The following ASPM variants were observed in gnomAD, a reference collection of about 807,000 sequenced individuals.
ASPM encodes abnormal spindle-like microcephaly-associated protein.
In ASPM, 256 loss-of-function variants were observed where a neutral mutation model predicts 366.4. That is an observed-to-expected ratio of 0.70 (90% CI 0.63 to 0.77). The LOEUF (loss-of-function observed/expected upper bound fraction) is 0.77. Among genes scored for constraint, ASPM ranks in the 30% least tolerant of loss-of-function variants. The pLI is 0.00. For missense variants in ASPM, 4,146 were observed against 4,090.4 expected, an observed-to-expected ratio of 1.01 and a Z score of -0.37; for synonymous variants, 1,414 against 1,342.9, an observed-to-expected ratio of 1.05 and a Z score of -1.16.
At chr1:197,135,975 T>A (rs1490747920) in intron 4 of ASPM, among the ~76,000 whole-genome samples, 1 of 152,036 alleles carries the variant, frequency 6.6e-6, no homozygotes, top group African/African-American at 2.4e-5. Context: ...AAAAAGACAA[T>A]GTGAGAATCT....
At chr1:197,143,843 T>C in intron 2 of ASPM, 33 bp from the exon 3 acceptor site, 2 of 1,593,552 alleles carry the variant, frequency 1.3e-6, no homozygotes, top group Non-Finnish European at 1.7e-6. Flanking sequence ...CCAATTAAGT[T>C]TGTAGCTATT....
Position 197,098,243 on chromosome 1 carries a change from T to C in ASPM, c.8821-2079A>G, listed in dbSNP as rs547143741. 8.6e-5 allele frequency among the ~76,000 whole-genome samples: 13 copies of C among 151,176 alleles called. No individual in the cohort carries two copies. The South Asian group carries it at 2.7e-3, about 31-fold the overall frequency. ...ACATATATATGTAAGTATTTAGTAA[T>C]GTATACTATATCCCAGTGGCTCCCA... is the stretch of plus-strand genomic sequence containing the variant. On this transcript the variant is annotated intron_variant, in intron 18 of 27. Transcript: ENST00000367409.
rs200733896 is a variant in ASPM, at chr1:197,117,916, C to T, written c.3938G>A (p.Arg1313Lys). The change falls in exon 17 of 28, where the codon AGA (arginine) becomes AAA (lysine). Residue 1313 changes from arginine to lysine, a missense_variant. Around this residue, in one of 3 missense-constraint regions of ASPM, gnomAD observed 3,624 missense variants for 3,591.7 expected, o/e 1.01. Transcript: ENST00000367409. The stretch of plus-strand genomic sequence containing the variant: ...GACGAGTGCTGCATTAACTCTTTTT[C>T]TCAATCTTTGTTTTGCTAGAAAATT... Reference protein sequence around the residue: ...VINFLAKQRLRKRVNAALVIQ... With the variant: ...VINFLAKQRLKKRVNAALVIQ... The T allele has an allele frequency of 2.2e-5, 36 of 1,613,504 alleles. No homozygotes were observed. Among genetic ancestry groups the T allele is most frequent in the Non-Finnish European group, 3.0e-5 (35 of 1,179,628 alleles).
chr1:197,107,252 A>G (rs888112389), intron 17 of ASPM, among the ~76,000 whole-genome samples: 17 of 152,076 alleles, frequency 1.1e-4, no homozygotes, highest in African/African-American at 3.9e-4. Context: ...GACTTTAAGA[A>G]TTGAATAAGA....
Position 197,117,776 on chromosome 1 carries a change from C to G in ASPM, c.4065+13G>C, listed in dbSNP as rs1657782026. On this transcript the variant is annotated intron_variant, in intron 17 of 27. Transcript: ENST00000367409. Reference sequence around the variant, plus strand: ...AATTTTTTAAATTCAAAAATTAGTCCAGGATACTATACCTGAATAAGTGAT... The same window carrying G: ...AATTTTTTAAATTCAAAAATTAGTCGAGGATACTATACCTGAATAAGTGAT... 6.2e-7 allele frequency: 1 copy of G among 1,601,324 alleles called. No individual in the cohort carries two copies. Among genetic ancestry groups the G allele is most frequent in the Non-Finnish European group, 8.5e-7 (1 of 1,175,342 alleles).
chr1:197,125,183 A>G lies in ASPM; in HGVS notation c.2945T>C (p.Met982Thr). ...LQCGVRLVRT[M>T]ELLTQNWDLS... Reference sequence around the variant, plus strand: ...GTCCCAGTTCTGTGTGAGAAGTTCCATGGTTCGCCTGGCAGTAATAAAATG... The same window carrying G: ...GTCCCAGTTCTGTGTGAGAAGTTCCGTGGTTCGCCTGGCAGTAATAAAATG... The change falls in exon 11 of 28, where the codon ATG (methionine) becomes ACG (threonine). Residue 982 changes from methionine (M) to threonine (T), a missense_variant. Met to Thr is a moderately conservative substitution (Grantham distance 81). This residue lies in a region of ASPM where 3,624 missense variants were observed against 3,591.7 expected (regional missense o/e 1.01). Transcript: ENST00000367409. 2 of 1,614,060 alleles carry G rather than the reference A, an allele frequency of 1.2e-6. No homozygotes were observed. The highest frequency in any genetic ancestry group is 1.7e-6 in the Non-Finnish European group (2 of 1,179,944).
In ASPM at chr1:197,101,275, C is replaced by T. The variant is rs886045765; in HGVS notation, c.7976G>A (p.Arg2659Lys). The change falls in exon 18 of 28, where the codon AGA (arginine) becomes AAA (lysine). Residue 2659 changes from arginine (R) to lysine (K), a missense_variant. Arg to Lys is a conservative substitution (Grantham distance 26, BLOSUM62 2). Around this residue, in one of 3 missense-constraint regions of ASPM, gnomAD observed 3,624 missense variants for 3,591.7 expected, o/e 1.01. Coordinates refer to ENST00000367409, the MANE Select transcript of ASPM (RefSeq NM_018136.5). The stretch of plus-strand genomic sequence containing the variant: ...TTGGGTACGCACTGCAGTTAGTTTT[C>T]TGTATCTTCTTTGAATAGAAACTAC... ...ATVVSIQRRY[R>K]KLTAVRTQAV... 9.9e-6 allele frequency: 16 copies of T among 1,611,936 alleles called. No individual in the cohort carries two copies. Among genetic ancestry groups the T allele is most frequent in the Non-Finnish European group, 1.4e-5 (16 of 1,178,848 alleles).
At position 197,132,346 on chromosome 1, in the gene ASPM, C is replaced by T. The variant is rs1228540630; in HGVS notation, c.2426G>A (p.Arg809His). Residue 809 changes from arginine to histidine, a missense_variant, in exon 7 of 28, where the codon CGT becomes CAT. Physicochemically the swap from Arg to His is conservative, Grantham distance 29. This residue lies in a region of ASPM where 3,624 missense variants were observed against 3,591.7 expected (regional missense o/e 1.01). Coordinates refer to ENST00000367409, the MANE Select transcript of ASPM (RefSeq NM_018136.5). ...DRHLWKDVGE[R>H]QKVLNWLLSY... is the part of the protein sequence containing the mutation. Reference sequence around the variant, plus strand: ...CAACAGCCAATTCAGGACTTTCTGACGTTCTCCTGAAATGCATGTCAAAGG... The same window carrying T: ...CAACAGCCAATTCAGGACTTTCTGATGTTCTCCTGAAATGCATGTCAAAGG... The T allele has an allele frequency of 4.3e-6, 7 of 1,613,070 alleles. No individual in the cohort carries two copies. The highest frequency in any genetic ancestry group is 5.9e-6 in the Non-Finnish European group (7 of 1,179,372).
At chr1:197,112,282 C>T (rs771534868) in intron 17 of ASPM, among the ~76,000 whole-genome samples, 11 of 152,068 alleles carry the variant, frequency 7.2e-5, no homozygotes, top group Non-Finnish European at 1.5e-4. Flanking sequence ...ACTGCATGTT[C>T]TTACTTATAA....
chr1:197,101,402 T>A lies in ASPM; in HGVS notation c.7849A>T (p.Ile2617Leu), dbSNP rs575362995. ...CVQAGFQDMN[I>L]KKQIQEQHQA... Reference sequence around the variant, plus strand: ...TGCTGTTCCTGAATCTGTTTTTTTATGTTCATGTCCTGAAAACCTGCCTGA... The same window carrying A: ...TGCTGTTCCTGAATCTGTTTTTTTAAGTTCATGTCCTGAAAACCTGCCTGA... Residue 2617 changes from isoleucine to leucine, a missense_variant, in exon 18 of 28, where the codon ATA (isoleucine) becomes TTA (leucine). Ile to Leu is a conservative substitution (Grantham distance 5). Around this residue, in one of 3 missense-constraint regions of ASPM, gnomAD observed 3,624 missense variants for 3,591.7 expected, o/e 1.01. Transcript: ENST00000367409. 3.7e-6 allele frequency: 6 copies of A among 1,608,436 alleles called. No homozygotes were observed. The South Asian group carries it at 6.6e-5, about 18-fold the overall frequency.
At chr1:197,135,646 T>C (rs1658398293) in intron 4 of ASPM, among the ~76,000 whole-genome samples, 1 of 148,516 alleles carries the variant, frequency 6.7e-6, no homozygotes, top group South Asian at 2.1e-4. Context: ...TTTTTTTTTT[T>C]GCCTTTTTGG....
At position 197,105,174 on chromosome 1, in the gene ASPM, T is replaced by G; in HGVS notation, c.4077A>C (p.Arg1359Ser). 6.2e-7 allele frequency: 1 copy of G among 1,603,888 alleles called. No individual in the cohort carries two copies. The highest frequency in any genetic ancestry group is 8.5e-7 in the Non-Finnish European group (1 of 1,171,908). Residue 1359 changes from arginine to serine, a missense_variant, in exon 18 of 28, where the codon AGA becomes AGC. Arg to Ser is a moderately radical substitution (Grantham distance 110). This residue lies in a region of ASPM where 3,624 missense variants were observed against 3,591.7 expected (regional missense o/e 1.01). Transcript: ENST00000367409. The stretch of plus-strand genomic sequence containing the variant: ...GAAATCTTTGTCTAGTGGAATATCT[T>G]CTCCAATATCCCTGGAAAAGGTAAG... ...KAASLIQGYW[R>S]RYSTRQRFLK...
intron 17 of ASPM, among the ~76,000 whole-genome samples, chr1:197,117,120 C>T (rs1293426630): frequency 6.6e-6 from 1 of 151,690 alleles, no homozygotes; most frequent in Admixed American, 6.6e-5. Flanking sequence ...GTCAGAGAAC[C>T]CTCATTTATC....
chr1:197,084,931 T>C (rs1415560053), intron 27 of ASPM, among the ~76,000 whole-genome samples: 1 of 152,178 alleles, frequency 6.6e-6, no homozygotes, highest in Non-Finnish European at 1.5e-5. Flanking sequence ...CCACCATTTC[T>C]GATTCATCCA....
At position 197,084,132 on chromosome 1, in the gene ASPM, T is replaced by C. The variant is rs1558319513; in HGVS notation, c.*192A>G. ...AATAGACAGGAATAATATAATCATC[T>C]TATGACATATTAGTTTATTACATGC... On this transcript the variant is annotated 3_prime_UTR_variant, in exon 28 of 28. Transcript: ENST00000367409. The C allele has an allele frequency of 1.7e-6, 1 of 585,844 alleles. No individual in the cohort carries two copies. Among genetic ancestry groups the C allele is most frequent in the Non-Finnish European group, 3.0e-6 (1 of 332,006 alleles). The allele number at this position is 585,844 out of a possible 1,614,324, so 36.3% of individuals were successfully genotyped here.
chr1:197,121,362 C>A (rs1459198039), intron 16 of ASPM, among the ~76,000 whole-genome samples: 1 of 152,036 alleles, frequency 6.6e-6, no homozygotes, highest in Non-Finnish European at 1.5e-5. Context: ...TTCTCATGCC[C>A]AGATCCTAAC....
chr1:197,124,660 T>C (rs1025296703), intron 12 of ASPM, among the ~76,000 whole-genome samples: 1 of 151,802 alleles, frequency 6.6e-6, no homozygotes, highest in African/African-American at 2.4e-5. Context: ...TAACACCTAC[T>C]TTGCAGGTGT....
chr1:197,129,093 C>A (rs1658180248), intron 9 of ASPM, 94 bp downstream of exon 9: 1 of 1,448,096 alleles, frequency 6.9e-7, no homozygotes, highest in Non-Finnish European at 9.5e-7. Flanking sequence ...CTTTGGAAAA[C>A]TAATTTTTTT....
chr1:197,141,248 G>A (rs1658570109), intron 3 of ASPM, among the ~76,000 whole-genome samples: 1 of 151,954 alleles, frequency 6.6e-6, no homozygotes, highest in African/African-American at 2.4e-5. Context: ...TCAAATTTCG[G>A]TGTTTATGAA....
Sources: gnomAD v4.1 joint callset for allele counts (sites outside exome capture counted in the v4.1 genomes callset) on GRCh38, gnomAD v4.1.1 for gene constraint, gnomAD v4.1.1 regional missense constraint, MANE v1.5 for transcripts, NCBI Gene and HGNC (gene_info 2026-07-23, HGNC 2026-07-21) for gene names.